Variants in JMJD1C observed in about 807,000 individuals in gnomAD.
JMJD1C encodes jumonji domain containing 1C, also known as jumonji domain-containing protein 1C.
JMJD1C carries 31 observed loss-of-function variants against 245.3 expected under a neutral mutation model. The observed-to-expected ratio is 0.13, with a 90% CI of 0.09 to 0.17. JMJD1C has a LOEUF of 0.17. Ranked by LOEUF, JMJD1C falls within the 10% of genes least tolerant of loss-of-function variation. JMJD1C has a pLI of 1.00. For synonymous variants in JMJD1C, 1,057 were observed against 1,017.4 expected (o/e 1.04, Z -0.74); for missense variants, 2,691 against 3,000.2 (o/e 0.90, Z 2.41).
intron 1 of JMJD1C, among the ~76,000 whole-genome samples, chr10:63,406,609 G>GTA (rs34453858): frequency 0.62 from 94,449 of 151,554 alleles, 32,378 homozygotes; most frequent in Non-Finnish European, 0.78. Flanking sequence ...AGGTAGGCTA[G>GTA]TATAACTAAT....
intron 1 of JMJD1C, among the ~76,000 whole-genome samples, chr10:63,445,288 T>C (rs1222071860): frequency 1.3e-5 from 2 of 152,198 alleles, no homozygotes; most frequent in Admixed American, 1.3e-4. Context: ...TGATAGATGA[T>C]AGAAAATGTT....
intron 2 of JMJD1C, among the ~76,000 whole-genome samples, chr10:63,299,887 G>GTT (rs562533327): frequency 7.6e-5 from 11 of 144,964 alleles, no homozygotes; most frequent in South Asian, 2.2e-4. Context: ...TGAATTTTCA[G>GTT]TTTTTTTTTT....
In JMJD1C at chr10:63,465,722, A is replaced by C. The variant is rs1953209438; in HGVS notation, c.-60T>G. ...AGTGCGAGGGAACCGATGAAACCTC[A>C]CTCCTACCGGCCGCTCATGCTGAGG... is the stretch of plus-strand genomic sequence containing the variant. On this transcript the variant is annotated 5_prime_UTR_variant, in exon 1 of 26. Coordinates refer to ENST00000399262, the MANE Select transcript of JMJD1C (RefSeq NM_032776.3). The C allele has an allele frequency of 1.9e-6, 3 of 1,578,600 alleles. No homozygotes were observed. Among genetic ancestry groups the C allele is most frequent in the African/African-American group, 2.7e-5 (2 of 74,616 alleles).
intron 3 of JMJD1C, among the ~76,000 whole-genome samples, chr10:63,262,511 T>C (rs1278910952): frequency 6.6e-6 from 1 of 152,190 alleles, no homozygotes; most frequent in East Asian, 1.9e-4. Flanking sequence ...AAACCAGCAC[T>C]TAGTCTAAAA....
chr10:63,284,908 TTC>T (rs370755445), intron 2 of JMJD1C, among the ~76,000 whole-genome samples: 1 of 95,840 alleles, frequency 1.0e-5, no homozygotes, highest in African/African-American at 4.1e-5. Context: ...CACACACACA[TTC>T]TCTCTACTCG....
At chr10:63,278,986 ACG>A (rs551262895) in intron 2 of JMJD1C, among the ~76,000 whole-genome samples, 22 of 152,332 alleles carry the variant, frequency 1.4e-4, no homozygotes, top group Non-Finnish European at 2.5e-4. Context: ...ACGGTAGCTC[ACG>A]CCTGTAATCC....
chr10:63,450,450 C>T (rs1951982219), intron 1 of JMJD1C, among the ~76,000 whole-genome samples: 1 of 151,768 alleles, frequency 6.6e-6, no homozygotes, highest in South Asian at 2.1e-4. Flanking sequence ...GAGATCATGT[C>T]TCTTAAAAAG....
intron 3 of JMJD1C, among the ~76,000 whole-genome samples, chr10:63,240,364 G>A (rs552424480): frequency 2.6e-5 from 4 of 152,180 alleles, no homozygotes; most frequent in Admixed American, 1.3e-4. Flanking sequence ...AGGAAAACCT[G>A]AAGAGAAGTA....
chr10:63,427,060 AT>A, intron 1 of JMJD1C, among the ~76,000 whole-genome samples: 1 of 152,230 alleles, frequency 6.6e-6, no homozygotes, highest in South Asian at 2.1e-4. Flanking sequence ...TGGTTTGTGT[AT>A]GTAAGTAATG....
At chr10:63,226,810 CA>C (rs1849346871) in intron 3 of JMJD1C, among the ~76,000 whole-genome samples, 1 of 151,152 alleles carries the variant, frequency 6.6e-6, no homozygotes. Flanking sequence ...GTAATCCCAG[CA>C]CTTTGGGAAG....
intron 1 of JMJD1C, among the ~76,000 whole-genome samples, chr10:63,428,196 C>T (rs1002953920): frequency 6.6e-6 from 1 of 152,142 alleles, no homozygotes; most frequent in Non-Finnish European, 1.5e-5. Flanking sequence ...TTTCTTTTCA[C>T]AGTAAAGAAA....
At chr10:63,337,603 G>GAA (rs201681810) in intron 2 of JMJD1C, among the ~76,000 whole-genome samples, 10 of 101,180 alleles carry the variant, frequency 9.9e-5, no homozygotes, top group African/African-American at 6.2e-4. Flanking sequence ...GAAAAGAAAA[G>GAA]AAAAGAAAAG....
At position 63,462,906 on chromosome 10, in the gene JMJD1C, G is replaced by T. The variant is rs141416981; in HGVS notation, c.168+2589C>A. 9.4e-4 allele frequency among the ~76,000 whole-genome samples: 143 copies of T among 151,650 alleles called. 1 individual carries two copies. The highest frequency in any genetic ancestry group is 3.1e-3 in the African/African-American group (129 of 41,344). The stretch of plus-strand genomic sequence containing the variant: ...AAACAATTATAGAAATTTAATTCAC[G>T]TGGCAATTCCTCATACATAAGACCC... On this transcript the variant is annotated intron_variant, in intron 1 of 25. Coordinates refer to ENST00000399262, the MANE Select transcript of JMJD1C (RefSeq NM_032776.3).
chr10:63,290,710 G>C (rs550219950), intron 2 of JMJD1C, among the ~76,000 whole-genome samples: 4 of 152,116 alleles, frequency 2.6e-5, no homozygotes, highest in Non-Finnish European at 5.9e-5. Flanking sequence ...TTTATGGAAA[G>C]AGATTAAAAT....
chr10:63,237,265 T>C (rs1850845349), intron 3 of JMJD1C, among the ~76,000 whole-genome samples: 1 of 152,296 alleles, frequency 6.6e-6, no homozygotes, highest in East Asian at 1.9e-4. Flanking sequence ...CTCAAACTCC[T>C]GACCTCCGGT....
At chr10:63,473,599 C>G (rs1953562280) in intron 1 of JMJD1C, among the ~76,000 whole-genome samples, 2 of 152,138 alleles carry the variant, frequency 1.3e-5, no homozygotes, top group South Asian at 4.1e-4. Flanking sequence ...CGAAACTGGA[C>G]TTGCCTTTAC....
Position 63,464,711 on chromosome 10 carries a change from A to G in JMJD1C, c.168+784T>C, listed in dbSNP as rs531014565. The stretch of plus-strand genomic sequence containing the variant: ...CATGTAAGAAACCAAAAAAAAAAAA[A>G]GATAATCAATTCTGCATGGCATTTA... On this transcript the variant is annotated intron_variant, in intron 1 of 25. Transcript: ENST00000399262. 8.6e-5 allele frequency among the ~76,000 whole-genome samples: 13 copies of G among 150,296 alleles called. No individual in the cohort carries two copies. The East Asian group carries it at 2.6e-3, about 30-fold the overall frequency.
At chr10:63,211,725 C>G (rs1847359625) in intron 8 of JMJD1C, among the ~76,000 whole-genome samples, 1 of 141,560 alleles carries the variant, frequency 7.1e-6, no homozygotes. Context: ...AAAAAGATGA[C>G]ATTAAGATGT....
chr10:63,308,471 C>A (rs1938607526), intron 2 of JMJD1C, among the ~76,000 whole-genome samples: 1 of 151,880 alleles, frequency 6.6e-6, no homozygotes, highest in African/African-American at 2.4e-5. Context: ...GGTCCACGAA[C>A]AAAGACAGAG....
Sources: allele counts gnomAD v4.1 joint callset (sites outside exome capture counted in the v4.1 genomes callset), GRCh38; gene constraint gnomAD v4.1.1; transcripts MANE v1.5; gene names NCBI Gene and HGNC (gene_info 2026-07-23, HGNC 2026-07-21).